The following STIM1 variants were observed in gnomAD, a reference collection of about 807,000 sequenced individuals.
The protein encoded by STIM1 is stromal interaction molecule 1.
In STIM1, 25 loss-of-function variants were observed where a neutral mutation model predicts 74.7. The observed-to-expected ratio is 0.33, with a 90% CI of 0.24 to 0.47. STIM1 has a LOEUF of 0.47. STIM1 is among the 20% of genes least tolerant of loss of function. The probability of loss-of-function intolerance (pLI) is 1.00; values close to 1 mark genes in which losing one functional copy is unlikely to be tolerated. For synonymous variants in STIM1, 328 were observed against 348.8 expected (o/e 0.94, Z 0.66); for missense variants, 728 against 920.8 (o/e 0.79, Z 2.71).
chr11:3,973,914 C>G (rs1036493619), intron 2 of STIM1: 1 of 491,480 alleles, frequency 2.0e-6, no homozygotes, highest in Non-Finnish European at 3.7e-6. Context: ...TAAAATGTAT[C>G]TTTTTTAAAG....
At chr11:3,876,104 A>G (rs976014217) in intron 1 of STIM1, among the ~76,000 whole-genome samples, 1 of 151,594 alleles carries the variant, frequency 6.6e-6, no homozygotes, top group African/African-American at 2.4e-5. Context: ...TGTTAAAGGG[A>G]ATAATACCTA....
At chr11:4,071,339 A>G (rs1370259571) in intron 6 of STIM1, among the ~76,000 whole-genome samples, 1 of 151,914 alleles carries the variant, frequency 6.6e-6, no homozygotes, top group African/African-American at 2.4e-5. Flanking sequence ...CTTTTCATTT[A>G]TTTCTATTTA....
rs571575477 is a variant in STIM1, at chr11:4,009,537, G to A, written c.271-14336G>A. Among the ~76,000 whole-genome samples, 20 of 151,966 alleles carry A rather than the reference G, an allele frequency of 1.3e-4. No individual in the cohort carries two copies. In the South Asian group the frequency reaches 3.9e-3, roughly 30 times the overall value. On this transcript the variant is annotated intron_variant, in intron 2 of 12. Coordinates refer to ENST00000526596, the MANE Select transcript of STIM1 (RefSeq NM_001382567.1). Reference sequence around the variant, plus strand: ...GCAGGAGAATTGCTTGAACCCGGCGGGCAGAGGTTGCAGTGAGCTGAGATC... The same window carrying A: ...GCAGGAGAATTGCTTGAACCCGGCGAGCAGAGGTTGCAGTGAGCTGAGATC...
intron 1 of STIM1, among the ~76,000 whole-genome samples, chr11:3,895,662 CTTTCT>C (rs1565104715): frequency 3.2e-4 from 10 of 31,228 alleles, no homozygotes; most frequent in Non-Finnish European, 5.1e-4. Context: ...TTCTTTCTTT[CTTTCT>C]TTCTTTCCTT....
intron 3 of STIM1, among the ~76,000 whole-genome samples, chr11:4,043,235 CA>C (rs1191618016): frequency 6.6e-6 from 1 of 152,006 alleles, no homozygotes; most frequent in Non-Finnish European, 1.5e-5. Context: ...CAGAATAAAA[CA>C]GGAGGTTTTA....
intron 1 of STIM1, among the ~76,000 whole-genome samples, chr11:3,913,118 C>CT (rs2092591572): frequency 6.6e-6 from 1 of 152,116 alleles, no homozygotes; most frequent in Admixed American, 6.5e-5. Flanking sequence ...TTGAGGGTCT[C>CT]TTAGTTACAG....
intron 1 of STIM1, among the ~76,000 whole-genome samples, chr11:3,946,478 A>T (rs2093075356): frequency 6.6e-6 from 1 of 152,148 alleles, no homozygotes; most frequent in Admixed American, 6.5e-5. Flanking sequence ...GCCTAGGACA[A>T]AGAAAGTAGC....
upstream of STIM1, chr11:3,855,087 T>G (rs574717904): frequency 6.6e-6 from 1 of 152,312 alleles, no homozygotes; most frequent in South Asian, 2.1e-4. Context: ...AGCGCGCGGG[T>G]TCCCAAGCCG....
chr11:3,981,491 C>T (rs149889685), intron 2 of STIM1, among the ~76,000 whole-genome samples: 30 of 152,118 alleles, frequency 2.0e-4, no homozygotes, highest in African/African-American at 7.2e-4. Flanking sequence ...ATTTTGAATT[C>T]GAAAACAAAG....
chr11:4,046,398 G>A (rs2094194028), intron 3 of STIM1, among the ~76,000 whole-genome samples: 1 of 151,974 alleles, frequency 6.6e-6, no homozygotes, highest in African/African-American at 2.4e-5. Flanking sequence ...ATGCATTCCT[G>A]GACACACTGT....
intron 2 of STIM1, among the ~76,000 whole-genome samples, chr11:4,013,288 A>G (rs2093858072): frequency 6.6e-6 from 1 of 152,198 alleles, no homozygotes; most frequent in Non-Finnish European, 1.5e-5. Context: ...GAATAGTTTC[A>G]GAAGGAATGG....
At chr11:3,987,804 GACACACACACACAC>G (rs55772228) in intron 2 of STIM1, among the ~76,000 whole-genome samples, 46 of 145,282 alleles carry the variant, frequency 3.2e-4, no homozygotes, top group Non-Finnish European at 5.8e-4. Context: ...TGTCCTTAAG[GACACACACACACAC>G]ACACACACAC....
intron 3 of STIM1, among the ~76,000 whole-genome samples, chr11:4,035,123 T>C (rs937355665): frequency 6.6e-6 from 1 of 152,258 alleles, no homozygotes; most frequent in South Asian, 2.1e-4. Flanking sequence ...TGGATATCAT[T>C]TGCTCTTTTA....
At chr11:4,050,970 GC>G (rs2094235051) in intron 3 of STIM1, among the ~76,000 whole-genome samples, 1 of 152,090 alleles carries the variant, frequency 6.6e-6, no homozygotes, top group Admixed American at 6.5e-5. Flanking sequence ...CATTGAGTGG[GC>G]TGAGGAGGAG....
intron 3 of STIM1, among the ~76,000 whole-genome samples, chr11:4,054,691 A>G (rs1266465895): frequency 2.0e-5 from 3 of 152,222 alleles, no homozygotes; most frequent in Non-Finnish European, 2.9e-5. Flanking sequence ...ATCATCTTCC[A>G]TGAAACCAGT....
In STIM1 at chr11:4,091,231, C is replaced by T. The variant is rs538144070; in HGVS notation, c.1635-51C>T. The T allele has an allele frequency of 1.8e-5, 29 of 1,612,356 alleles. No individual in the cohort carries two copies. In the South Asian group the frequency reaches 2.0e-4, roughly 11 times the overall value. ...TCTCTCCTCTTCGCCTTTCCCCTAT[C>T]ACCTCATCCAATATATGTCCCTTTC... On this transcript the variant is annotated intron_variant, in intron 12 of 12. Transcript: ENST00000526596.
chr11:4,085,286 C>G (rs567386113), intron 11 of STIM1, among the ~76,000 whole-genome samples: 2 of 152,250 alleles, frequency 1.3e-5, no homozygotes, highest in East Asian at 3.9e-4. Flanking sequence ...CTTCGCTCAC[C>G]CTTGTAACCT....
intron 2 of STIM1, among the ~76,000 whole-genome samples, chr11:3,988,085 G>T (rs943334843): frequency 8.5e-5 from 13 of 152,158 alleles, no homozygotes; most frequent in African/African-American, 2.9e-4. Flanking sequence ...TTTGGAAATG[G>T]AGTCCTAGAG....
chr11:3,947,129 A>G (rs1426605666), intron 1 of STIM1, among the ~76,000 whole-genome samples: 2 of 120,246 alleles, frequency 1.7e-5, no homozygotes, highest in African/African-American at 3.1e-5. Flanking sequence ...TCTGCCTTGT[A>G]TTACTTTCTG....
Sources: allele counts gnomAD v4.1 joint callset (sites outside exome capture counted in the v4.1 genomes callset), GRCh38; gene constraint gnomAD v4.1.1; transcripts MANE v1.5; gene names NCBI Gene and HGNC (gene_info 2026-07-23, HGNC 2026-07-21).